Variants in DLC1 observed in about 807,000 individuals in gnomAD.
DLC1 encodes DLC1 Rho GTPase activating protein.
DLC1 carries 54 observed loss-of-function variants against 140.3 expected under a neutral mutation model. The ratio of observed to expected loss-of-function variants is 0.38; its 90% CI spans 0.31 to 0.48. The LOEUF (loss-of-function observed/expected upper bound fraction) is 0.48. Among genes scored for constraint, DLC1 ranks in the 20% least tolerant of loss-of-function variants. DLC1 has a pLI of 0.96. For missense variants in DLC1, 2,536 were observed against 1,907.0 expected (o/e 1.33, Z -6.14); for synonymous variants, 986 against 728.1 (o/e 1.35, Z -5.70).
intron 2 of DLC1, among the ~76,000 whole-genome samples, chr8:13,459,540 C>G (rs1293147235): frequency 6.6e-6 from 1 of 152,204 alleles, no homozygotes; most frequent in East Asian, 1.9e-4. Flanking sequence ...AGTATTGTCT[C>G]TCTGTTCATT....
intron 5 of DLC1, among the ~76,000 whole-genome samples, chr8:13,199,277 T>G (rs1827244249): frequency 6.8e-6 from 1 of 147,032 alleles, no homozygotes; most frequent in Admixed American, 6.8e-5. Flanking sequence ...CTTGAACTCC[T>G]AGGCTCAAGC....
chr8:13,091,529 A>T lies in DLC1; in HGVS notation c.3741-97T>A, dbSNP rs545352844. On this transcript the variant is annotated intron_variant, in intron 13 of 17. Coordinates refer to ENST00000276297, the MANE Select transcript of DLC1 (RefSeq NM_182643.3). ...AAACCCAAAGAAGAGAGAAAAAAAA[A>T]TTTTCACTGGAATCTGTTTATTGTT... 54 of 1,047,156 alleles carry T rather than the reference A, an allele frequency of 5.2e-5. No homozygotes were observed. In the East Asian group the frequency reaches 8.1e-4, roughly 16 times the overall value. 64.9% of individuals were successfully genotyped at this position (1,047,156 alleles called of 1,614,324 possible). A position where few individuals can be genotyped will look rare whatever the true frequency, so the allele number is the denominator to read the frequency against.
intron 2 of DLC1, among the ~76,000 whole-genome samples, chr8:13,489,001 G>C (rs55682139): frequency 0.064 from 9,722 of 152,160 alleles, 440 homozygotes; most frequent in Middle Eastern, 0.13. Flanking sequence ...AGGCTGGAGT[G>C]CAGTGGCGTG....
At chr8:13,317,949 C>T (rs1376046041) in intron 4 of DLC1, among the ~76,000 whole-genome samples, 2 of 152,184 alleles carry the variant, frequency 1.3e-5, no homozygotes, top group African/African-American at 4.8e-5. Context: ...GTCACTGTAA[C>T]TCTGTACTTG....
At chr8:13,398,605 CAAAA>C (rs55898759) in intron 3 of DLC1, among the ~76,000 whole-genome samples, 5 of 113,098 alleles carry the variant, frequency 4.4e-5, no homozygotes, top group East Asian at 2.5e-4. Context: ...CCATCTCTAC[CAAAA>C]AAAAAAAAAA....
chr8:13,090,319 A>G lies in DLC1; in HGVS notation c.4007T>C (p.Val1336Ala), dbSNP rs762305343. 5 of 1,614,084 alleles carry G rather than the reference A, an allele frequency of 3.1e-6. No individual in the cohort carries two copies. Among genetic ancestry groups the G allele is most frequent in the Non-Finnish European group, 4.2e-6 (5 of 1,180,014 alleles). The change falls in exon 15 of 18, where the codon GTC becomes GCC. Residue 1336 changes from valine to alanine, a missense_variant. Coordinates refer to ENST00000276297, the MANE Select transcript of DLC1 (RefSeq NM_182643.3). ...GACCCAGCCTTTAAACTTCTCTTTG[A>G]CTTCTTTAAACAGGCCATCCACACA... ...QDCVDGLFKEVKEKFKGWVSY... is the reference protein window; with the variant it reads ...QDCVDGLFKEAKEKFKGWVSY...
chr8:13,467,889 C>T (rs1234905734), intron 2 of DLC1, among the ~76,000 whole-genome samples: 1 of 151,666 alleles, frequency 6.6e-6, no homozygotes, highest in Admixed American at 6.5e-5. Flanking sequence ...AATGCCCATT[C>T]CATTTATTCC....
At position 13,100,296 on chromosome 8, in the gene DLC1, G is replaced by A. The variant is rs372624194; in HGVS notation, c.2041C>T (p.His681Tyr). Reference sequence around the variant, plus strand: ...TTTGAGGGCGCTTTGTGCTTGCTGTGATGGGAGCTCTTGAGCTTCAGGCTC... The same window carrying A: ...TTTGAGGGCGCTTTGTGCTTGCTGTAATGGGAGCTCTTGAGCTTCAGGCTC... Reference protein sequence around the residue: ...MESLKLKSSHHSKHKAPSKLG... With the variant: ...MESLKLKSSHYSKHKAPSKLG... Residue 681 changes from histidine (H) to tyrosine (Y), a missense_variant, in exon 9 of 18, where the codon CAC (histidine) becomes TAC (tyrosine). By Grantham distance (83) the His-to-Tyr change is moderately conservative (BLOSUM62 2). Transcript: ENST00000276297. The A allele has an allele frequency of 6.2e-7, 1 of 1,614,030 alleles. No homozygotes were observed. Among genetic ancestry groups the A allele is most frequent in the African/African-American group, 1.3e-5 (1 of 74,944 alleles).
At chr8:13,125,642 A>G (rs1207014145) in intron 5 of DLC1, among the ~76,000 whole-genome samples, 1 of 152,080 alleles carries the variant, frequency 6.6e-6, no homozygotes, top group African/African-American at 2.4e-5. Context: ...CTTCTTGCCT[A>G]TTTCAACAGT....
rs1491502803 is a variant in DLC1 at position 13,496,785 on chromosome 8, C to CTTT, written c.1023+2263_1023+2264insAAA. Among the ~76,000 whole-genome samples, 23 of 8,652 alleles carry CTTT rather than the reference C, an allele frequency of 2.7e-3. 4 individuals are homozygous for CTTT. The highest frequency in any genetic ancestry group is 0.011 in the East Asian group (15 of 1,350). 5.7% of individuals were successfully genotyped at this position (8,652 alleles called of 152,430 possible). A position where few individuals can be genotyped will look rare whatever the true frequency, so the allele number is the denominator to read the frequency against. On this transcript the variant is annotated intron_variant, in intron 2 of 17. Transcript: ENST00000276297. ...TAATTAACAAATTCTTAGACCATTT[C>CTTT]CTTTTTTTTTTTTTTTTTTTTTTTT...
chr8:13,203,724 A>G (rs1035643569), intron 5 of DLC1, among the ~76,000 whole-genome samples: 2 of 152,162 alleles, frequency 1.3e-5, no homozygotes, highest in Non-Finnish European at 1.5e-5. Flanking sequence ...AGGATTATTG[A>G]CAGAAGAGGA....
intron 2 of DLC1, among the ~76,000 whole-genome samples, chr8:13,445,545 C>T (rs1454674168): frequency 2.0e-5 from 3 of 152,188 alleles, no homozygotes; most frequent in Non-Finnish European, 4.4e-5. Flanking sequence ...ATGATTAAAG[C>T]TGTCAATTAG....
At chr8:13,275,025 C>G (rs1188282) in intron 5 of DLC1, among the ~76,000 whole-genome samples, 66,242 of 151,946 alleles carry the variant, frequency 0.44, 14,833 homozygotes, top group East Asian at 0.79. Context: ...CTTTAGGGTG[C>G]CACATTTTCC....
chr8:13,096,859 T>C (rs1208713254), intron 10 of DLC1, among the ~76,000 whole-genome samples: 1 of 152,184 alleles, frequency 6.6e-6, no homozygotes, highest in Non-Finnish European at 1.5e-5. Flanking sequence ...TCAAATATGG[T>C]AGTGTGCGAC....
chr8:13,379,309 C>T (rs1836144947), intron 4 of DLC1, among the ~76,000 whole-genome samples: 1 of 152,086 alleles, frequency 6.6e-6, no homozygotes, highest in Non-Finnish European at 1.5e-5. Context: ...AGTGCAGATG[C>T]TCCTTGACTT....
intron 5 of DLC1, among the ~76,000 whole-genome samples, chr8:13,127,837 T>A (rs2128960510): frequency 6.6e-6 from 1 of 152,276 alleles, no homozygotes; most frequent in South Asian, 2.1e-4. Context: ...CACAGGACAC[T>A]CAAAGGTGGG....
chr8:13,567,837 G>A, intron 1 of DLC1: 3 of 1,551,862 alleles, frequency 1.9e-6, no homozygotes, highest in Non-Finnish European at 2.6e-6. Context: ...CAGAGACAGA[G>A]CAGAAGTTGC....
chr8:13,232,166 G>A (rs550872314), intron 5 of DLC1, among the ~76,000 whole-genome samples: 1 of 152,120 alleles, frequency 6.6e-6, no homozygotes, highest in Non-Finnish European at 1.5e-5. Flanking sequence ...GTCACGAAGG[G>A]AATGATCAGG....
chr8:13,204,731 A>G (rs189811868), intron 5 of DLC1, among the ~76,000 whole-genome samples: 1,561 of 152,340 alleles, frequency 0.01, 14 homozygotes, highest in South Asian at 0.037. Context: ...AATAGGCACT[A>G]GGTATTTTGC....
Sources: allele counts gnomAD v4.1 joint callset (sites outside exome capture counted in the v4.1 genomes callset), GRCh38; gene constraint gnomAD v4.1.1; transcripts MANE v1.5; gene names NCBI Gene and HGNC (gene_info 2026-07-23, HGNC 2026-07-21).